RALGPS2: variants seen among roughly 807,000 people sequenced by gnomAD.
RALGPS2 encodes Ral GEF with PH domain and SH3 binding motif 2.
Under a neutral mutation model 86.8 loss-of-function variants are expected in RALGPS2, and 43 were observed. The ratio of observed to expected loss-of-function variants is 0.50; its 90% confidence interval spans 0.39 to 0.64. The LOEUF (loss-of-function observed/expected upper bound fraction) is 0.64. Ranked by LOEUF, RALGPS2 falls within the 30% of genes least tolerant of loss-of-function variation. The pLI, the probability that RALGPS2 is intolerant of heterozygous loss-of-function variation, is 0.00. For synonymous variants in RALGPS2, 243 were observed against 231.3 expected (o/e 1.05, Z -0.46); for missense variants, 536 against 694.6 (o/e 0.77, Z 2.57).
chr1:178,836,780 T>C (rs890521215), intron 8 of RALGPS2, among the ~76,000 whole-genome samples: 4 of 151,800 alleles, frequency 2.6e-5, no homozygotes, highest in African/African-American at 9.7e-5. Context: ...TTCTTTCTTT[T>C]TTTTATTTTT....
chr1:178,878,773 CCTT>C, intron 9 of RALGPS2, 126 bp from the exon 10 acceptor site: 3 of 1,218,332 alleles, frequency 2.5e-6, no homozygotes, highest in Non-Finnish European at 3.4e-6. Context: ...TCAGTAATGT[CCTT>C]CTAGAGTTAA....
chr1:178,839,775 G>T (rs1484808604), intron 8 of RALGPS2, among the ~76,000 whole-genome samples: 1 of 152,200 alleles, frequency 6.6e-6, no homozygotes, highest in African/African-American at 2.4e-5. Flanking sequence ...CATCTCATGT[G>T]CAGGGACACA....
At chr1:178,776,484 A>G (rs1170550406) in intron 1 of RALGPS2, among the ~76,000 whole-genome samples, 198 bp from the exon 2 acceptor site, 1 of 152,094 alleles carries the variant, frequency 6.6e-6, no homozygotes, top group Admixed American at 6.6e-5. Flanking sequence ...ACATCTATTG[A>G]ATACTGTTTA....
chr1:178,787,288 G>T (rs2102134192), intron 4 of RALGPS2, among the ~76,000 whole-genome samples: 1 of 152,224 alleles, frequency 6.6e-6, no homozygotes, highest in East Asian at 1.9e-4. Flanking sequence ...TATGAGATCA[G>T]TGCTGTCTAG....
At chr1:178,769,526 G>C (rs1386684041) in intron 1 of RALGPS2, among the ~76,000 whole-genome samples, 1 of 151,920 alleles carries the variant, frequency 6.6e-6, no homozygotes, top group Non-Finnish European at 1.5e-5. Flanking sequence ...GTCCATGAAG[G>C]GTAGGGTGGC....
chr1:178,817,049 T>G (rs1025089768), intron 6 of RALGPS2, among the ~76,000 whole-genome samples: 2 of 151,808 alleles, frequency 1.3e-5, no homozygotes, highest in African/African-American at 4.8e-5. Context: ...GGAGTTAAGG[T>G]TCATTTTTTT....
intron 1 of RALGPS2, chr1:178,747,087 ATT>A: frequency 2.3e-6 from 2 of 884,416 alleles, no homozygotes; most frequent in Admixed American, 1.9e-5. Flanking sequence ...CCCATTTGGA[ATT>A]TTCTTATGTT....
At chr1:178,737,293 T>C (rs1650763873) in intron 1 of RALGPS2, among the ~76,000 whole-genome samples, 1 of 152,238 alleles carries the variant, frequency 6.6e-6, no homozygotes, top group Non-Finnish European at 1.5e-5. Flanking sequence ...TCGCCCAGGC[T>C]GAAGTGCCGG....
At chr1:178,798,197 T>G (rs1654298235) in intron 4 of RALGPS2, among the ~76,000 whole-genome samples, 1 of 152,190 alleles carries the variant, frequency 6.6e-6, no homozygotes, top group South Asian at 2.1e-4. Context: ...TCAAGAGAAC[T>G]ATTAAGAAAC....
At chr1:178,738,591 A>G (rs1281750996) in intron 1 of RALGPS2, among the ~76,000 whole-genome samples, 2 of 152,216 alleles carry the variant, frequency 1.3e-5, no homozygotes, top group Non-Finnish European at 2.9e-5. Flanking sequence ...TTAAATTTCT[A>G]ATAAGTATCT....
chr1:178,807,911 A>G, intron 4 of RALGPS2, 134 bp from the exon 5 acceptor site: 2 of 689,294 alleles, frequency 2.9e-6, no homozygotes, highest in Non-Finnish European at 5.2e-6. Context: ...AATGGATATA[A>G]TATTATGTAT....
At chr1:178,853,382 T>C (rs1032614926) in intron 8 of RALGPS2, among the ~76,000 whole-genome samples, 1 of 152,188 alleles carries the variant, frequency 6.6e-6, no homozygotes, top group South Asian at 2.1e-4. Flanking sequence ...AAGGGATCAT[T>C]TAAAAGTATA....
intron 8 of RALGPS2, among the ~76,000 whole-genome samples, chr1:178,836,140 G>C (rs999067006): frequency 6.6e-5 from 10 of 152,152 alleles, no homozygotes; most frequent in Admixed American, 2.0e-4. Context: ...TGCACACACA[G>C]AGAGAAAGTT....
intron 1 of RALGPS2, among the ~76,000 whole-genome samples, chr1:178,759,041 G>GTT (rs1652098922): frequency 6.6e-6 from 1 of 151,924 alleles, no homozygotes; most frequent in South Asian, 2.1e-4. Context: ...TTTGTTGATT[G>GTT]TTTCCTTTGT....
At chr1:178,856,202 G>GAGAGATATATATATATATATATATAT (rs1428022812) in intron 8 of RALGPS2, among the ~76,000 whole-genome samples, 1 of 83,908 alleles carries the variant, frequency 1.2e-5, no homozygotes, top group African/African-American at 6.4e-5. Context: ...GAGAGAGAGA[G>GAGAGATATATATATATATATATATAT]ATATATATAT....
intron 1 of RALGPS2, among the ~76,000 whole-genome samples, chr1:178,740,444 T>C (rs1572272824): frequency 6.6e-6 from 1 of 152,196 alleles, no homozygotes; most frequent in South Asian, 2.1e-4. Flanking sequence ...TAGTCAGTTA[T>C]AGAAAACATG....
chr1:178,894,113 A>G (rs1171389414), intron 16 of RALGPS2, 89 bp downstream of exon 16: 1 of 751,506 alleles, frequency 1.3e-6, no homozygotes, highest in African/African-American at 1.8e-5. Context: ...AATTAAAATA[A>G]AACCTGATTA....
At chr1:178,802,452 A>G (rs1465563883) in intron 4 of RALGPS2, among the ~76,000 whole-genome samples, 1 of 152,148 alleles carries the variant, frequency 6.6e-6, no homozygotes, top group East Asian at 1.9e-4. Context: ...GGTGTTATTC[A>G]AGGTTTAGGA....
chr1:178,783,253 C>T (rs968939624), intron 2 of RALGPS2, among the ~76,000 whole-genome samples: 4 of 151,826 alleles, frequency 2.6e-5, no homozygotes, highest in Middle Eastern at 3.4e-3. Flanking sequence ...GACTGGTGAC[C>T]AATAGACAGC....
Sources: allele counts gnomAD v4.1 joint callset (sites outside exome capture counted in the v4.1 genomes callset), GRCh38; gene constraint gnomAD v4.1.1; transcripts MANE v1.5; gene names NCBI Gene and HGNC (gene_info 2026-07-23, HGNC 2026-07-21).